The following C8orf89 variants were observed in gnomAD, a reference collection of about 807,000 sequenced individuals.
The protein encoded by C8orf89 is putative uncharacterized protein C8orf89.
A neutral mutation model predicts 15.8 loss-of-function variants in C8orf89; 14 were observed. The ratio of observed to expected loss-of-function variants is 0.89; its 90% CI spans 0.59 to 1.39. The LOEUF (loss-of-function observed/expected upper bound fraction) is 1.39. Among genes scored for constraint, C8orf89 ranks in the 40% most tolerant of loss-of-function variants. The probability of loss-of-function intolerance (pLI) is 0.00; values close to 1 mark genes in which losing one functional copy is unlikely to be tolerated. For synonymous variants in C8orf89, 55 were observed against 62.2 expected (o/e 0.88, Z 0.54); for missense variants, 181 against 184.5 (o/e 0.98, Z 0.11).
At chr8:73,264,384 G>A (rs1003341085), upstream of C8orf89, among the ~76,000 whole-genome samples, 1 of 152,190 alleles carries the variant, frequency 6.6e-6, no homozygotes, top group Non-Finnish European at 1.5e-5. Context: ...TTAGTGAGCA[G>A]ATGAATCTGT....
At chr8:73,253,719 A>G (rs1013416014) in intron 2 of C8orf89, among the ~76,000 whole-genome samples, 2 of 150,280 alleles carry the variant, frequency 1.3e-5, no homozygotes, top group African/African-American at 5.0e-5. Context: ...GAGTTCATTC[A>G]TGATTTGGCT....
chr8:73,277,491 C>T, the C8orf89 span: 1 of 867,406 alleles, frequency 1.2e-6, no homozygotes, highest in Non-Finnish European at 1.9e-6. Context: ...TTCCTGATGC[C>T]ACCACGAAAA....
chr8:73,250,917 G>C (rs2130262853), intron 2 of C8orf89, among the ~76,000 whole-genome samples: 1 of 151,964 alleles, frequency 6.6e-6, no homozygotes, highest in South Asian at 2.1e-4. Context: ...TCCTGCGTCA[G>C]CTTCTTGAGT....
intron 1 of C8orf89, among the ~76,000 whole-genome samples, chr8:73,257,982 G>A (rs1036976672): frequency 1.3e-5 from 2 of 152,062 alleles, no homozygotes; most frequent in Admixed American, 6.5e-5. Flanking sequence ...AATTAGATTT[G>A]GGGGGTAGAA....
chr8:73,244,108 A>T (rs1254246590), intron 3 of C8orf89, among the ~76,000 whole-genome samples: 2 of 152,224 alleles, frequency 1.3e-5, no homozygotes, highest in Non-Finnish European at 2.9e-5. Context: ...TTCAAATAAA[A>T]ACATTTCTCA....
intron 2 of C8orf89, among the ~76,000 whole-genome samples, chr8:73,254,850 A>C (rs1416514469): frequency 6.6e-6 from 1 of 152,220 alleles, no homozygotes; most frequent in African/African-American, 2.4e-5. Flanking sequence ...CAAACCTGAG[A>C]AAAATAAGCA....
chr8:73,250,243 T>C lies in C8orf89; in HGVS notation c.337+25A>G, dbSNP rs1197268346. On this transcript the variant is annotated intron_variant, in intron 3 of 3. Coordinates refer to ENST00000624510, the MANE Select transcript of C8orf89 (RefSeq NM_001243237.3). Reference sequence around the variant, plus strand: ...GGTATATGACACCCAAGAGAGGTAGTAGAAAAAAGGACGAGTCAGCTTACC... The same window carrying C: ...GGTATATGACACCCAAGAGAGGTAGCAGAAAAAAGGACGAGTCAGCTTACC... 6 of 1,500,766 alleles carry C rather than the reference T, an allele frequency of 4.0e-6. No individual in the cohort carries two copies. The African/African-American group carries it at 4.2e-5, about 10-fold the overall frequency. 93.0% of individuals were successfully genotyped at this position (1,500,766 alleles called of 1,614,324 possible). A position where few individuals can be genotyped will look rare whatever the true frequency, so the allele number is the denominator to read the frequency against.
At chr8:73,277,611 C>A in the C8orf89 span, 6 of 761,254 alleles carry the variant, frequency 7.9e-6, no homozygotes, top group Non-Finnish European at 1.5e-5. Flanking sequence ...TCATCTTCTG[C>A]CTTTGTGGAC....
chr8:73,271,807 AG>A, the C8orf89 span, among the ~76,000 whole-genome samples: 2 of 152,200 alleles, frequency 1.3e-5, no homozygotes, highest in African/African-American at 2.4e-5. Context: ...CACAATCATG[AG>A]GGGGGAAACC....
chr8:73,253,328 G>A (rs13270377), intron 2 of C8orf89, among the ~76,000 whole-genome samples: 8,743 of 152,234 alleles, frequency 0.057, 335 homozygotes, highest in East Asian at 0.13. Flanking sequence ...TAATGTTTTC[G>A]GTTACTGTAG....
upstream of C8orf89, among the ~76,000 whole-genome samples, chr8:73,260,587 T>C (rs1813507259): frequency 6.6e-6 from 1 of 151,880 alleles, no homozygotes. Context: ...AGTGCTATGA[T>C]GGGGGGCAAA....
At position 73,241,526 on chromosome 8, in the gene C8orf89, A is replaced by G; in HGVS notation, c.417T>C (p.Tyr139=). 6.5e-7 allele frequency: 1 copy of G among 1,534,210 alleles called. No individual in the cohort carries two copies. The highest frequency in any genetic ancestry group is 1.4e-5 in the African/African-American group (1 of 73,128). ...ERLSKIAILE[Y]DTIRQETTTK... The stretch of plus-strand genomic sequence containing the variant: ...TGGTTGTTTCCTGACGAATGGTATC[A>G]TATTCCAATATGGCTATTTTGGAAA... Residue 139 remains tyrosine, a synonymous_variant, in exon 4 of 4, where the codon TAT becomes TAC. Transcript: ENST00000624510.
upstream of C8orf89, chr8:73,259,618 A>G (rs1277631498): frequency 6.9e-6 from 3 of 437,022 alleles, no homozygotes; most frequent in Admixed American, 4.3e-5. Context: ...TTCAAATTCC[A>G]GGTTACAGAT....
chr8:73,253,997 C>T (rs1176285861), intron 2 of C8orf89, among the ~76,000 whole-genome samples: 1 of 152,056 alleles, frequency 6.6e-6, no homozygotes, highest in African/African-American at 2.4e-5. Context: ...GAGAGGGCAT[C>T]CCTGTCTTGG....
chr8:73,249,141 A>G (rs1045372625), intron 3 of C8orf89, among the ~76,000 whole-genome samples: 2 of 152,168 alleles, frequency 1.3e-5, no homozygotes, highest in Non-Finnish European at 2.9e-5. Context: ...AAGGTGTTGA[A>G]TTTTATCAAA....
chr8:73,250,403 A>G (rs1813222192), intron 2 of C8orf89, 80 bp from the exon 3 acceptor site: 2 of 757,300 alleles, frequency 2.6e-6, no homozygotes, highest in South Asian at 3.4e-5. Flanking sequence ...ATAACATCAC[A>G]TAGACATTAA....
chr8:73,246,464 C>T (rs554858300), intron 3 of C8orf89, among the ~76,000 whole-genome samples: 114 of 152,174 alleles, frequency 7.5e-4, no homozygotes, highest in Non-Finnish European at 1.0e-3. Flanking sequence ...CTGCAACCTC[C>T]GCCTCCCAGG....
At chr8:73,259,272 A>C (rs1035591070) in intron 1 of C8orf89, 60 bp downstream of exon 1, 1 of 1,123,532 alleles carries the variant, frequency 8.9e-7, no homozygotes, top group Admixed American at 3.0e-5. Flanking sequence ...AAAAAAATAC[A>C]TGGAAATTCA....
Position 73,259,494 on chromosome 8 carries a change from T to C in C8orf89, c.-36A>G. ...TTCAACAGTGCTGATGAGAGGGAGA[T>C]GCTGCTGCAGAGACAGGACACAAAA... On this transcript the variant is annotated 5_prime_UTR_variant, in exon 1 of 4. Transcript: ENST00000624510. 6.9e-7 allele frequency: 1 copy of C among 1,447,836 alleles called. No individual in the cohort carries two copies. The highest frequency in any genetic ancestry group is 2.5e-5 in the Admixed American group (1 of 39,706). The allele number at this position is 1,447,836 out of a possible 1,614,324, so 89.7% of individuals were successfully genotyped here.
Sources: allele counts gnomAD v4.1 joint callset (sites outside exome capture counted in the v4.1 genomes callset), GRCh38; gene constraint gnomAD v4.1.1; transcripts MANE v1.5; gene names NCBI Gene and HGNC (gene_info 2026-07-23, HGNC 2026-07-21).